MLLT1: variants seen among roughly 807,000 people sequenced by gnomAD.
The protein encoded by MLLT1 is MLLT1 super elongation complex subunit, also known as protein ENL.
In MLLT1, 11 loss-of-function variants were observed where a neutral mutation model predicts 55.1. That is an observed-to-expected ratio of 0.20 (90% CI 0.13 to 0.33). The LOEUF is 0.33. Ranked by LOEUF, MLLT1 falls within the 10% of genes least tolerant of loss-of-function variation. The pLI, the probability that MLLT1 is intolerant of heterozygous loss-of-function variation, is 1.00. For synonymous variants in MLLT1, 323 were observed against 320.1 expected (o/e 1.01, Z -0.10); for missense variants, 536 against 760.6 (o/e 0.70, Z 3.47).
chr19:6,253,753 A>G (rs530747796), intron 3 of MLLT1, among the ~76,000 whole-genome samples: 28 of 152,352 alleles, frequency 1.8e-4, no homozygotes, highest in African/African-American at 5.5e-4. Flanking sequence ...TTAGAGACAG[A>G]TAAGAGCATG....
At chr19:6,234,290 C>A (rs959693566) in intron 3 of MLLT1, among the ~76,000 whole-genome samples, 1 of 152,220 alleles carries the variant, frequency 6.6e-6, no homozygotes, top group African/African-American at 2.4e-5. Flanking sequence ...GGGCCTTGGC[C>A]GCCCCTGCGG....
In MLLT1 at chr19:6,212,938, C is replaced by T; in HGVS notation, c.*104G>A. Reference sequence around the variant, plus strand: ...TGTGCGGGCGAGGACAGGGCTGTCGCTAAGGCAGTGCTGCGGGCAGGCGAG... The same window carrying T: ...TGTGCGGGCGAGGACAGGGCTGTCGTTAAGGCAGTGCTGCGGGCAGGCGAG... On this transcript the variant is annotated 3_prime_UTR_variant, in exon 12 of 12. Transcript: ENST00000252674. 4.2e-6 allele frequency: 6 copies of T among 1,442,958 alleles called. No homozygotes were observed. The highest frequency in any genetic ancestry group is 2.8e-5 in the African/African-American group (2 of 71,018). The allele number at this position is 1,442,958 out of a possible 1,614,324, so 89.4% of individuals were successfully genotyped here.
rs993030145 is a variant in MLLT1, at chr19:6,240,833, G to A, written c.277-10120C>T. 2.0e-5 allele frequency among the ~76,000 whole-genome samples: 3 copies of A among 152,056 alleles called. No individual in the cohort carries two copies. The highest frequency in any genetic ancestry group is 4.8e-5 in the African/African-American group (2 of 41,390). ...GATAACCAGAATCAATTCCTGCATC[G>A]ATGAGCAATTAGAAACCAAAAGGAG... On this transcript the variant is annotated intron_variant, in intron 3 of 11. Transcript: ENST00000252674. This position sits in a 1 kb window ranked among gnomAD's most constrained non-coding sequence, Gnocchi z 4.7.
At chr19:6,242,160 C>T (rs1187141060) in intron 3 of MLLT1, among the ~76,000 whole-genome samples, 3 of 152,212 alleles carry the variant, frequency 2.0e-5, no homozygotes, top group African/African-American at 7.2e-5. Flanking sequence ...AAACTGAGCG[C>T]ACGCAGGGGC....
rs894758621 is a variant in MLLT1 at position 6,219,580 on chromosome 19, G to A, written c.1111-1539C>T. The stretch of plus-strand genomic sequence containing the variant: ...TGTCAGCCTCAGTTTTCCCAGCACC[G>A]CCAGCTGCCTGCACACCGAGGCCAA... On this transcript the variant is annotated intron_variant, in intron 6 of 11. Transcript: ENST00000252674. This position sits in a 1 kb window ranked among gnomAD's most constrained non-coding sequence, Gnocchi z 4.5. Among the ~76,000 whole-genome samples, 2 of 152,162 alleles carry A rather than the reference G, an allele frequency of 1.3e-5. No individual in the cohort carries two copies. The highest frequency in any genetic ancestry group is 2.4e-5 in the African/African-American group (1 of 41,424).
chr19:6,276,023 G>A (rs892061), intron 1 of MLLT1, among the ~76,000 whole-genome samples: 41,810 of 152,160 alleles, frequency 0.27, 7,176 homozygotes, highest in African/African-American at 0.48. Flanking sequence ...CAGACCAGGT[G>A]GGCCTGGCTG....
At position 6,211,880 on chromosome 19, in the gene MLLT1, A is replaced by C; in HGVS notation, c.*1162T>G. On this transcript the variant is annotated 3_prime_UTR_variant, in exon 12 of 12. Coordinates refer to ENST00000252674, the MANE Select transcript of MLLT1 (RefSeq NM_005934.4). The surrounding 1 kb of genome is among the most constrained non-coding windows in gnomAD (Gnocchi z 4.6). ...GGGCTGCGGGCGCGGCACCAGCATG[A>C]ATTGCGGCGGTGGAGGCCGGGGCGG... 9.4e-7 allele frequency: 1 copy of C among 1,064,556 alleles called. No individual in the cohort carries two copies. Among genetic ancestry groups the C allele is most frequent in the Non-Finnish European group, 1.1e-6 (1 of 878,602 alleles). 65.9% of individuals were successfully genotyped at this position (1,064,556 alleles called of 1,614,324 possible).
chr19:6,218,984 G>T (rs1008472850), intron 6 of MLLT1, among the ~76,000 whole-genome samples: 6 of 152,150 alleles, frequency 3.9e-5, no homozygotes, highest in African/African-American at 1.4e-4. Flanking sequence ...GGAGGCAGCT[G>T]GTCTGCTGGA....
At chr19:6,215,897 T>G (rs2090838129) in intron 8 of MLLT1, among the ~76,000 whole-genome samples, 1 of 152,168 alleles carries the variant, frequency 6.6e-6, no homozygotes, top group Admixed American at 6.5e-5. Flanking sequence ...ATCCCAAGGA[T>G]GTGCCTCGGC....
Position 6,212,185 on chromosome 19 carries a change from G to C in MLLT1, c.*857C>G, listed in dbSNP as rs1310874827. ...GAGACTGTTGGCGCTAGTCTGAGTA[G>C]AGCCCGAGAGCAGACTGGTGGCTCC... On this transcript the variant is annotated 3_prime_UTR_variant, in exon 12 of 12. Transcript: ENST00000252674. 9.4e-7 allele frequency: 1 copy of C among 1,066,146 alleles called. No individual in the cohort carries two copies. The highest frequency in any genetic ancestry group is 5.3e-5 in the Admixed American group (1 of 18,762). The allele number at this position is 1,066,146 out of a possible 1,614,324, so 66.0% of individuals were successfully genotyped here. A position where few individuals can be genotyped will look rare whatever the true frequency, so the allele number is the denominator to read the frequency against.
chr19:6,279,664 C>G (rs1265438118), intron 1 of MLLT1, 109 bp downstream of exon 1: 3 of 129,320 alleles, frequency 2.3e-5, no homozygotes, highest in Non-Finnish European at 3.3e-5. Context: ...GCGCACAAAG[C>G]GGGCGGGCGG....
At chr19:6,271,826 C>T (rs1429374346) in intron 1 of MLLT1, among the ~76,000 whole-genome samples, 4 of 152,268 alleles carry the variant, frequency 2.6e-5, no homozygotes, top group Non-Finnish European at 4.4e-5. Context: ...CTGACAGAGC[C>T]GCCCTCCCGG....
intron 6 of MLLT1, 132 bp downstream of exon 6, chr19:6,221,989 A>C (rs1687966363): frequency 3.1e-6 from 2 of 651,810 alleles, no homozygotes; most frequent in Non-Finnish European, 4.5e-6. Flanking sequence ...GGTTACAAGA[A>C]GCCAGTGGGA....
rs1052088266 is a variant in MLLT1, at chr19:6,226,205, G to T, written c.546+772C>A. Among the ~76,000 whole-genome samples, 1 of 152,370 alleles carries T rather than the reference G, an allele frequency of 6.6e-6. No individual in the cohort carries two copies. The highest frequency in any genetic ancestry group is 2.1e-4 in the South Asian group (1 of 4,832). ...GGAGAAAGGAGAGGACCGGTGGAGA[G>T]ATGTGTGGGTGGCAGGCACCGGGCA... On this transcript the variant is annotated intron_variant, in intron 5 of 11. Coordinates refer to ENST00000252674, the MANE Select transcript of MLLT1 (RefSeq NM_005934.4). The surrounding 1 kb of genome is among the most constrained non-coding windows in gnomAD (Gnocchi z 6.3).
In MLLT1 at chr19:6,230,038, G is replaced by GC. The variant is rs1205973915; in HGVS notation, c.420+531dup. 6.6e-6 allele frequency among the ~76,000 whole-genome samples: 1 copy of GC among 151,786 alleles called. No individual in the cohort carries two copies. The highest frequency in any genetic ancestry group is 2.4e-5 in the African/African-American group (1 of 41,316). On this transcript the variant is annotated intron_variant, in intron 4 of 11. Coordinates refer to ENST00000252674, the MANE Select transcript of MLLT1 (RefSeq NM_005934.4). This position sits in a 1 kb window ranked among gnomAD's most constrained non-coding sequence, Gnocchi z 9.0. ...CTCCTCCATAACCACCACCAGCCCT[G>GC]CGCCCACCCTGTTGCCAAGAGCCCT... is the stretch of plus-strand genomic sequence containing the variant.
At position 6,273,594 on chromosome 19, in the gene MLLT1, C is replaced by T. The variant is rs539481580; in HGVS notation, c.13-2835G>A. On this transcript the variant is annotated intron_variant, in intron 1 of 11. Transcript: ENST00000252674. This position sits in a 1 kb window ranked among gnomAD's most constrained non-coding sequence, Gnocchi z 4.3. ...AAACAACACTGACATTAGCCCCGAG[C>T]GGCCATGACCACCCTCTATGCTTAC... Among the ~76,000 whole-genome samples the T allele has an allele frequency of 1.2e-4, 19 of 152,302 alleles. No homozygotes were observed. Among genetic ancestry groups the T allele is most frequent in the African/African-American group, 4.3e-4 (18 of 41,562 alleles).
intron 3 of MLLT1, among the ~76,000 whole-genome samples, chr19:6,251,358 C>G (rs2091212625): frequency 6.6e-6 from 1 of 152,072 alleles, no homozygotes. Flanking sequence ...AACGGCTAGC[C>G]CCCTCTGGAA....
chr19:6,242,281 CT>C (rs1423663881), intron 3 of MLLT1, among the ~76,000 whole-genome samples: 1 of 152,184 alleles, frequency 6.6e-6, no homozygotes, highest in Non-Finnish European at 1.5e-5. Context: ...GGAACCTCCC[CT>C]GTCATGTGCG....
rs2090954088 is a variant in MLLT1, at chr19:6,226,092, G to T, written c.546+885C>A. Among the ~76,000 whole-genome samples the T allele has an allele frequency of 6.6e-6, 1 of 152,226 alleles. No homozygotes were observed. Among genetic ancestry groups the T allele is most frequent in the African/African-American group, 2.4e-5 (1 of 41,470 alleles). On this transcript the variant is annotated intron_variant, in intron 5 of 11. Coordinates refer to ENST00000252674, the MANE Select transcript of MLLT1 (RefSeq NM_005934.4). This position sits in a 1 kb window ranked among gnomAD's most constrained non-coding sequence, Gnocchi z 6.3. ...CGGTTCTTCTCCCGCATGGCTGACG[G>T]TGAGTCTGTGAGGCAGCTGGAGAGC...
Sources: allele counts gnomAD v4.1 joint callset (sites outside exome capture counted in the v4.1 genomes callset), GRCh38; gene constraint gnomAD v4.1.1; non-coding constraint Gnocchi (gnomAD v3.1); transcripts MANE v1.5; gene names NCBI Gene and HGNC (gene_info 2026-07-23, HGNC 2026-07-21).